The following NEK10 variants were observed in gnomAD, a reference collection of about 807,000 sequenced individuals.
NEK10 encodes NIMA related kinase 10, also known as serine/threonine-protein kinase Nek10.
A neutral mutation model predicts 159.8 loss-of-function variants in NEK10; 122 were observed. The ratio of observed to expected loss-of-function variants is 0.76; its 90% CI spans 0.66 to 0.89. NEK10 has a LOEUF of 0.89. Ranked by LOEUF, NEK10 falls within the 40% of genes least tolerant of loss-of-function variation. The pLI is 0.00. For missense variants in NEK10, 1,342 were observed against 1,323.1 expected (o/e 1.01, Z -0.22); for synonymous variants, 466 against 457.1 (o/e 1.02, Z -0.25).
chr3:27,288,284 G>C (rs553419750), intron 19 of NEK10, among the ~76,000 whole-genome samples: 8 of 152,260 alleles, frequency 5.3e-5, no homozygotes, highest in Middle Eastern at 3.4e-3. Flanking sequence ...AATAACAGTT[G>C]ACAAGGACTT....
At chr3:27,361,040 T>C (rs1458267613) in intron 1 of NEK10, among the ~76,000 whole-genome samples, 4 of 152,226 alleles carry the variant, frequency 2.6e-5, no homozygotes, top group Non-Finnish European at 5.9e-5. Flanking sequence ...GGACACTCCT[T>C]TAAGTGCTGA....
intron 12 of NEK10, among the ~76,000 whole-genome samples, chr3:27,304,194 A>G (rs1052857063): frequency 6.6e-6 from 1 of 152,202 alleles, no homozygotes; most frequent in Non-Finnish European, 1.5e-5. Flanking sequence ...AAGATTAGAG[A>G]GAAAAGTAGA....
chr3:27,204,312 T>A (rs1950320758), intron 23 of NEK10, among the ~76,000 whole-genome samples: 1 of 135,482 alleles, frequency 7.4e-6, no homozygotes. Flanking sequence ...TTTTTTTTTT[T>A]TTTTTTTTTA....
At chr3:27,207,883 T>A (rs1950655774) in intron 23 of NEK10, among the ~76,000 whole-genome samples, 1 of 152,186 alleles carries the variant, frequency 6.6e-6, no homozygotes, top group African/African-American at 2.4e-5. Flanking sequence ...AGGATAAAAT[T>A]CTGACCTGAG....
Position 27,110,169 on chromosome 3 carries a change from C to A in NEK10, c.*1103G>T, listed in dbSNP as rs998824968. On this transcript the variant is annotated 3_prime_UTR_variant, in exon 36 of 36. Coordinates refer to ENST00000691995, the MANE Select transcript of NEK10 (RefSeq NM_001394966.1). ...CTCTTTAGGTAGCTAGAAGTGTAGA[C>A]AGATTTCGCAATAAGGGTATTTCTT... 2 of 152,078 alleles carry A rather than the reference C, an allele frequency of 1.3e-5. No homozygotes were observed. The highest frequency in any genetic ancestry group is 4.1e-4 in the South Asian group (2 of 4,826). The allele number at this position is 152,078 out of a possible 1,614,324, so 9.4% of individuals were successfully genotyped here. A position where few individuals can be genotyped will look rare whatever the true frequency, so the allele number is the denominator to read the frequency against.
intron 23 of NEK10, chr3:27,252,756 G>T (rs986103642): frequency 1.1e-5 from 4 of 375,804 alleles, no homozygotes; most frequent in African/African-American, 8.5e-5. Context: ...AAAGGGAGCT[G>T]CATGTGCAAA....
chr3:27,258,928 G>A (rs184396805), intron 22 of NEK10, among the ~76,000 whole-genome samples: 66 of 152,252 alleles, frequency 4.3e-4, no homozygotes, highest in African/African-American at 1.5e-3. Flanking sequence ...GTGTGAGATG[G>A]TATCTCATTG....
intron 23 of NEK10, among the ~76,000 whole-genome samples, chr3:27,208,005 ATGTG>A (rs773984609): frequency 2.0e-5 from 3 of 151,972 alleles, no homozygotes; most frequent in Non-Finnish European, 4.4e-5. Flanking sequence ...GATGAATAAA[ATGTG>A]TGTGTGTGTA....
At position 27,256,323 on chromosome 3, in the gene NEK10, G is replaced by A. The variant is rs1023730773; in HGVS notation, c.2063C>T (p.Ser688Phe). 3.8e-6 allele frequency: 6 copies of A among 1,567,858 alleles called. No homozygotes were observed. Among genetic ancestry groups the A allele is most frequent in the Non-Finnish European group, 5.2e-6 (6 of 1,159,256 alleles). The change falls in exon 23 of 36, where the codon TCT (serine) becomes TTT (phenylalanine). Residue 688 changes from serine (S) to phenylalanine (F), a missense_variant. Transcript: ENST00000691995. Reference protein sequence around the residue: ...KQKQENSKLTSVVGTILYSCP... With the variant: ...KQKQENSKLTFVVGTILYSCP... ...AGAATACAGGATTGTTCCAACCACAGAGGTGAGTTTACTGTTTTCTTGTTT... is the reference window on the plus strand; with the variant it reads ...AGAATACAGGATTGTTCCAACCACAAAGGTGAGTTTACTGTTTTCTTGTTT...
chr3:27,325,068 T>A (rs1439851072), intron 5 of NEK10, among the ~76,000 whole-genome samples: 1 of 152,210 alleles, frequency 6.6e-6, no homozygotes, highest in Non-Finnish European at 1.5e-5. Flanking sequence ...GTGTATGTTG[T>A]GCAGAAGTGG....
chr3:27,206,858 G>A (rs4973757), intron 23 of NEK10, among the ~76,000 whole-genome samples: 35,755 of 152,092 alleles, frequency 0.24, 4,560 homozygotes, highest in Middle Eastern at 0.38. Flanking sequence ...AAAGGCCTGA[G>A]CATCTGCAAC....
At chr3:27,186,293 G>A (rs796372447) in intron 26 of NEK10, among the ~76,000 whole-genome samples, 2 of 152,332 alleles carry the variant, frequency 1.3e-5, no homozygotes, top group East Asian at 3.9e-4. Flanking sequence ...CTACTGTTAA[G>A]ACCAGTTTAT....
At chr3:27,329,285 A>T (rs894022923) in intron 5 of NEK10, among the ~76,000 whole-genome samples, 12 of 152,210 alleles carry the variant, frequency 7.9e-5, no homozygotes, top group African/African-American at 2.9e-4. Context: ...TTCCTGTATA[A>T]ATTACCCAGT....
At chr3:27,347,502 CAAAAAAAAAAAAAAAA>C (rs35966643) in intron 3 of NEK10, among the ~76,000 whole-genome samples, 5 of 63,414 alleles carry the variant, frequency 7.9e-5, no homozygotes, top group African/African-American at 3.5e-4. Context: ...AACTCCGTCT[CAAAAAAAAAAAAAAAA>C]AAAAAAAAAA....
intron 26 of NEK10, among the ~76,000 whole-genome samples, chr3:27,181,869 A>G (rs1474888817): frequency 6.6e-6 from 1 of 152,194 alleles, no homozygotes; most frequent in Non-Finnish European, 1.5e-5. Context: ...CTGATTTTTT[A>G]AAATGTTGCC....
At chr3:27,113,348 T>G (rs749264381) in intron 35 of NEK10, among the ~76,000 whole-genome samples, 1 of 148,616 alleles carries the variant, frequency 6.7e-6, no homozygotes, top group East Asian at 2.0e-4. Flanking sequence ...GGAGAATCGC[T>G]TGAACCCAGG....
chr3:27,300,881 T>G (rs2043762512), intron 13 of NEK10, among the ~76,000 whole-genome samples: 1 of 152,192 alleles, frequency 6.6e-6, no homozygotes, highest in Non-Finnish European at 1.5e-5. Context: ...TGTCCTTGTT[T>G]TCACACCATC....
intron 30 of NEK10, among the ~76,000 whole-genome samples, chr3:27,146,966 G>A (rs79700186): frequency 6.6e-6 from 1 of 152,318 alleles, no homozygotes; most frequent in African/African-American, 2.4e-5. Flanking sequence ...TGGAGAGGTA[G>A]CCAGGGACCA....
chr3:27,231,785 A>T (rs1195091365), intron 23 of NEK10, among the ~76,000 whole-genome samples: 2 of 151,892 alleles, frequency 1.3e-5, no homozygotes, highest in African/African-American at 4.8e-5. Flanking sequence ...ACTCTCCGAG[A>T]TCAAATAAGA....
Sources: gnomAD v4.1 joint callset for allele counts (sites outside exome capture counted in the v4.1 genomes callset) on GRCh38, gnomAD v4.1.1 for gene constraint, MANE v1.5 for transcripts, NCBI Gene and HGNC (gene_info 2026-07-23, HGNC 2026-07-21) for gene names.